The following ABLIM2 variants were observed in gnomAD, a reference collection of about 807,000 sequenced individuals.
ABLIM2 encodes the protein actin binding LIM protein family member 2, also known as actin-binding LIM protein 2.
Under a neutral mutation model 97.7 loss-of-function variants are expected in ABLIM2, and 53 were observed. That is an observed-to-expected ratio of 0.54 (90% confidence interval 0.44 to 0.68). The LOEUF is 0.68. Among genes scored for constraint, ABLIM2 ranks in the 30% least tolerant of loss-of-function variants. The pLI is 0.00. For synonymous variants in ABLIM2, 361 were observed against 345.8 expected, an observed-to-expected ratio of 1.04 and a Z score of -0.49; for missense variants, 835 against 867.2, an observed-to-expected ratio of 0.96 and a Z score of 0.47.
Position 8,087,382 on chromosome 4 carries a change from G to A in ABLIM2, c.454+787C>T, listed in dbSNP as rs1254979053. On this transcript the variant is annotated intron_variant, in intron 4 of 20. Transcript: ENST00000447017. This position sits in a 1 kb window ranked among gnomAD's most constrained non-coding sequence, Gnocchi z 4.6. ...ACCCCTGACACTTCGGCTGGCATTT[G>A]TTTTTTTTCCACACTAACAACCTCC... is the stretch of plus-strand genomic sequence containing the variant. 1.3e-5 allele frequency among the ~76,000 whole-genome samples: 2 copies of A among 152,018 alleles called. No homozygotes were observed. The highest frequency in any genetic ancestry group is 1.5e-5 in the Non-Finnish European group (1 of 67,998).
In ABLIM2 at chr4:8,097,116, G is replaced by A. The variant is rs762166130; in HGVS notation, c.321C>T (p.Phe107=). ...TTACTCACCGGCAGACGGCACACAC[G>A]AAGCAGTCGGGGTGGTAGGTCTTGC... ...ALGKTYHPDC[F]VCAVCRLPFP... The change falls in exon 3 of 21, where the codon TTC becomes TTT. Residue 107 remains phenylalanine (F), a synonymous_variant. Transcript: ENST00000447017. 5.0e-6 allele frequency: 8 copies of A among 1,608,972 alleles called. No homozygotes were observed. Among genetic ancestry groups the A allele is most frequent in the East Asian group, 4.5e-5 (2 of 44,720 alleles).
In ABLIM2 at chr4:8,132,290, T is replaced by A. The variant is rs945170260; in HGVS notation, c.11-25653A>T. Among the ~76,000 whole-genome samples, 6 of 152,114 alleles carry A rather than the reference T, an allele frequency of 3.9e-5. No homozygotes were observed. Among genetic ancestry groups the A allele is most frequent in the Non-Finnish European group, 8.8e-5 (6 of 68,020 alleles). On this transcript the variant is annotated intron_variant, in intron 1 of 20. Coordinates refer to ENST00000447017, the MANE Select transcript of ABLIM2 (RefSeq NM_001130083.2). This position sits in a 1 kb window ranked among gnomAD's most constrained non-coding sequence, Gnocchi z 8.0. Reference sequence around the variant, plus strand: ...CCATCACGGGGGCATGGATGGGGTATAATTACTCACATCTTCATTTCTGAA... The same window carrying A: ...CCATCACGGGGGCATGGATGGGGTAAAATTACTCACATCTTCATTTCTGAA...
chr4:8,075,698 G>GA lies in ABLIM2; in HGVS notation c.675+1929dup, dbSNP rs1285392048. On this transcript the variant is annotated intron_variant, in intron 6 of 20. Coordinates refer to ENST00000447017, the MANE Select transcript of ABLIM2 (RefSeq NM_001130083.2). This position sits in a 1 kb window ranked among gnomAD's most constrained non-coding sequence, Gnocchi z 4.4. ...CTGAGTGAGAACCTCTCCAAAAAAA[G>GA]AAAAAAAAGAAAACCATTGACTTGT... Among the ~76,000 whole-genome samples, 2 of 151,412 alleles carry GA rather than the reference G, an allele frequency of 1.3e-5. No homozygotes were observed. Among genetic ancestry groups the GA allele is most frequent in the East Asian group, 3.9e-4 (2 of 5,170 alleles).
At position 8,072,203 on chromosome 4, in the gene ABLIM2, T is replaced by C. The variant is rs144253361; in HGVS notation, c.675+5425A>G. On this transcript the variant is annotated intron_variant, in intron 6 of 20. Coordinates refer to ENST00000447017, the MANE Select transcript of ABLIM2 (RefSeq NM_001130083.2). This position sits in a 1 kb window ranked among gnomAD's most constrained non-coding sequence, Gnocchi z 5.8. ...CCTGTTTTGCTCCTGTTCCTCGAAT[T>C]AGGATGGTTCCTTCCCGATGAACCA... is the stretch of plus-strand genomic sequence containing the variant. Among the ~76,000 whole-genome samples the C allele has an allele frequency of 3.1e-3, 477 of 152,238 alleles. 2 individuals are homozygous for C. The highest frequency in any genetic ancestry group is 0.011 in the African/African-American group (467 of 41,548).
intron 14 of ABLIM2, among the ~76,000 whole-genome samples, chr4:8,012,040 C>G (rs905955868): frequency 6.6e-5 from 10 of 152,172 alleles, no homozygotes; most frequent in African/African-American, 2.4e-4. Flanking sequence ...AACTATCTGT[C>G]CATTCATCCA....
At chr4:8,101,865 G>A (rs752432660) in intron 2 of ABLIM2, among the ~76,000 whole-genome samples, 1 of 152,190 alleles carries the variant, frequency 6.6e-6, no homozygotes, top group Non-Finnish European at 1.5e-5. Context: ...TGCGTTTGAC[G>A]TATTTATGTT....
At chr4:8,084,550 C>A (rs1210872845) in intron 4 of ABLIM2, among the ~76,000 whole-genome samples, 1 of 152,198 alleles carries the variant, frequency 6.6e-6, no homozygotes, top group African/African-American at 2.4e-5. Flanking sequence ...GAGTGGAGGA[C>A]CCCAAAGCCC....
chr4:8,097,173 C>A lies in ABLIM2; in HGVS notation c.264G>T (p.Gln88His), dbSNP rs768477720. The change falls in exon 3 of 21, where the codon CAG (glutamine) becomes CAT (histidine). Residue 88 changes from glutamine to histidine, a missense_variant. By Grantham distance (24) the Gln-to-His change is conservative (BLOSUM62 0). Transcript: ENST00000447017. ...LYGTRCFSCD[Q>H]FIEGEVVSAL... ...CCGACACCACCTCACCCTCAATGAA[C>A]TGGTCGCAGCTGAAGCAGCGGGTGC... 3.7e-6 allele frequency: 6 copies of A among 1,607,360 alleles called. No individual in the cohort carries two copies. Among genetic ancestry groups the A allele is most frequent in the Non-Finnish European group, 4.2e-6 (5 of 1,177,204 alleles).
At chr4:7,997,660 T>C (rs902204283) in intron 16 of ABLIM2, among the ~76,000 whole-genome samples, 4 of 152,160 alleles carry the variant, frequency 2.6e-5, no homozygotes, top group African/African-American at 9.7e-5. Context: ...TGCAATTGCG[T>C]GTTCTAGACT....
chr4:8,085,523 G>T lies in ABLIM2; in HGVS notation c.454+2646C>A. Among the ~76,000 whole-genome samples the T allele has an allele frequency of 6.7e-6, 1 of 149,758 alleles. No individual in the cohort carries two copies. Among genetic ancestry groups the T allele is most frequent in the Non-Finnish European group, 1.5e-5 (1 of 67,464 alleles). ...AGTCCCGTCCACTCACACGGCTCTGGGGGTGCCCACGCTGCAGCCCCGTCC... is the reference window on the plus strand; with the variant it reads ...AGTCCCGTCCACTCACACGGCTCTGTGGGTGCCCACGCTGCAGCCCCGTCC... On this transcript the variant is annotated intron_variant, in intron 4 of 20. Transcript: ENST00000447017. The surrounding 1 kb of genome is among the most constrained non-coding windows in gnomAD (Gnocchi z 6.1).
chr4:8,053,143 T>C (rs941202127), intron 8 of ABLIM2, among the ~76,000 whole-genome samples: 1 of 152,204 alleles, frequency 6.6e-6, no homozygotes, highest in African/African-American at 2.4e-5. Flanking sequence ...CTGCCTCCCA[T>C]TCTATTCAAA....
chr4:8,070,961 A>G (rs1304383766), intron 6 of ABLIM2, among the ~76,000 whole-genome samples: 1 of 152,138 alleles, frequency 6.6e-6, no homozygotes, highest in African/African-American at 2.4e-5. Context: ...GGCTGGAAAC[A>G]GGCACCCCCA....
Position 8,130,265 on chromosome 4 carries a change from G to A in ABLIM2, c.11-23628C>T, listed in dbSNP as rs745810600. On this transcript the variant is annotated intron_variant, in intron 1 of 20. Coordinates refer to ENST00000447017, the MANE Select transcript of ABLIM2 (RefSeq NM_001130083.2). This position sits in a 1 kb window ranked among gnomAD's most constrained non-coding sequence, Gnocchi z 4.2. Reference sequence around the variant, plus strand: ...GGTGCTGGATGGCTGAGGCCCGGCCGCATCTGTCACCAGTTCCGGGATGGC... The same window carrying A: ...GGTGCTGGATGGCTGAGGCCCGGCCACATCTGTCACCAGTTCCGGGATGGC... Among the ~76,000 whole-genome samples the A allele has an allele frequency of 7.9e-5, 12 of 152,202 alleles. No homozygotes were observed. Among genetic ancestry groups the A allele is most frequent in the African/African-American group, 2.9e-4 (12 of 41,448 alleles).
In ABLIM2 at chr4:8,029,640, C is replaced by A; in HGVS notation, c.1168+16G>T. 6.7e-7 allele frequency: 1 copy of A among 1,493,932 alleles called. No homozygotes were observed. Among genetic ancestry groups the A allele is most frequent in the Non-Finnish European group, 9.0e-7 (1 of 1,111,866 alleles). 92.5% of individuals were successfully genotyped at this position (1,493,932 alleles called of 1,614,324 possible). A position where few individuals can be genotyped will look rare whatever the true frequency, so the allele number is the denominator to read the frequency against. ...ACAGCATCCTGGGGGCTCAGAGGAA[C>A]CAGGGGGCCAAGTACCTGGACGGCT... On this transcript the variant is annotated intron_variant, in intron 11 of 20. Transcript: ENST00000447017.
At chr4:8,100,477 T>G (rs556959018) in intron 2 of ABLIM2, among the ~76,000 whole-genome samples, 1 of 152,228 alleles carries the variant, frequency 6.6e-6, no homozygotes, top group African/African-American at 2.4e-5. Context: ...CAGGGTGCGG[T>G]GGCTCACACC....
chr4:8,028,005 C>T (rs1430750192), intron 11 of ABLIM2, 148 bp from the exon 12 acceptor site: 7 of 564,316 alleles, frequency 1.2e-5, no homozygotes, highest in Non-Finnish European at 2.1e-5. Flanking sequence ...GGTCACCAAA[C>T]ATGCTTTAGA....
intron 20 of ABLIM2, among the ~76,000 whole-genome samples, chr4:7,975,078 C>T (rs1373001329): frequency 2.6e-5 from 4 of 152,230 alleles, no homozygotes; most frequent in South Asian, 2.1e-4. Context: ...ATTAGCTGGG[C>T]GTGGTGGCAC....
chr4:8,009,442 G>C lies in ABLIM2; in HGVS notation c.1424-340C>G, dbSNP rs577010368. 5.9e-5 allele frequency among the ~76,000 whole-genome samples: 9 copies of C among 152,276 alleles called. No homozygotes were observed. The East Asian group carries it at 1.7e-3, about 29-fold the overall frequency. On this transcript the variant is annotated intron_variant, in intron 14 of 20. Transcript: ENST00000447017. ...GATGGAGTCTCGCTCTGTCACCCAG[G>C]CTGGAGTGCCATGGTGTGATCTCGG...
chr4:8,055,744 G>T (rs1379368721), intron 7 of ABLIM2, among the ~76,000 whole-genome samples: 2 of 152,286 alleles, frequency 1.3e-5, no homozygotes, highest in African/African-American at 2.4e-5. Flanking sequence ...TCTGAGAGAT[G>T]GTGATTGGAC....
Sources: gnomAD v4.1 joint callset for allele counts (sites outside exome capture counted in the v4.1 genomes callset) on GRCh38, gnomAD v4.1.1 for gene constraint, Gnocchi (gnomAD v3.1) non-coding constraint, MANE v1.5 for transcripts, NCBI Gene and HGNC (gene_info 2026-07-23, HGNC 2026-07-21) for gene names.